The following MAML2 variants were observed in gnomAD, a reference collection of about 807,000 sequenced individuals.
MAML2 encodes the protein mastermind-like protein 2.
MAML2 carries 22 observed loss-of-function variants against 96.1 expected under a neutral mutation model. The observed-to-expected ratio is 0.23, with a 90% confidence interval of 0.16 to 0.33. The LOEUF is 0.33. Among genes scored for constraint, MAML2 ranks in the 10% least tolerant of loss-of-function variants. The pLI is 1.00. For missense variants in MAML2, 1,367 were observed against 1,392.4 expected (o/e 0.98, Z 0.29); for synonymous variants, 561 against 521.3 (o/e 1.08, Z -1.04).
intron 1 of MAML2, among the ~76,000 whole-genome samples, chr11:96,176,529 G>A (rs893069890): frequency 1.3e-5 from 2 of 152,108 alleles, no homozygotes; most frequent in Admixed American, 6.5e-5. Context: ...AGGAAGGACC[G>A]CTTTTGGATG....
At chr11:96,013,513 C>T (rs191803026) in intron 2 of MAML2, among the ~76,000 whole-genome samples, 72 of 152,186 alleles carry the variant, frequency 4.7e-4, no homozygotes, top group Non-Finnish European at 6.8e-4. Flanking sequence ...TCCACTCCAA[C>T]GACCTAGGTG....
chr11:96,094,053 T>C (rs938604422), intron 1 of MAML2, among the ~76,000 whole-genome samples: 1 of 152,074 alleles, frequency 6.6e-6, no homozygotes, highest in Admixed American at 6.5e-5. Flanking sequence ...ATTAGAATAG[T>C]TCTCAGGCCT....
intron 1 of MAML2, among the ~76,000 whole-genome samples, chr11:96,228,979 A>AAG (rs1043990092): frequency 3.9e-4 from 59 of 152,190 alleles, no homozygotes; most frequent in African/African-American, 1.4e-3. Context: ...GAACAAAAAA[A>AAG]AAATGCTCCC....
chr11:96,240,378 G>A (rs1249001340), intron 1 of MAML2, among the ~76,000 whole-genome samples: 2 of 151,312 alleles, frequency 1.3e-5, no homozygotes, highest in African/African-American at 2.4e-5. Context: ...GTGAAACCCC[G>A]TCTCTACTAA....
intron 2 of MAML2, among the ~76,000 whole-genome samples, chr11:96,059,439 T>C (rs1279077299): frequency 6.6e-6 from 1 of 152,220 alleles, no homozygotes; most frequent in Non-Finnish European, 1.5e-5. Context: ...ACTTTCTTGT[T>C]CTCTGTGCAT....
chr11:96,165,172 GT>G (rs1264150695), intron 1 of MAML2, among the ~76,000 whole-genome samples: 6 of 151,262 alleles, frequency 4.0e-5, no homozygotes, highest in East Asian at 2.0e-4. Context: ...TTTGTAGTGT[GT>G]TTTTTTCCCT....
chr11:96,277,850 G>T (rs948553478), intron 1 of MAML2, among the ~76,000 whole-genome samples: 6 of 151,424 alleles, frequency 4.0e-5, no homozygotes, highest in African/African-American at 1.5e-4. Context: ...AAGTTAATAA[G>T]GTAAACAAAA....
intron 4 of MAML2, among the ~76,000 whole-genome samples, chr11:95,985,231 G>T (rs1294399132): frequency 6.6e-6 from 1 of 152,256 alleles, no homozygotes; most frequent in East Asian, 1.9e-4. Flanking sequence ...TCTACTACCT[G>T]GGTTAAGGTA....
chr11:96,230,992 G>T (rs1862285662), intron 1 of MAML2, among the ~76,000 whole-genome samples: 1 of 152,210 alleles, frequency 6.6e-6, no homozygotes, highest in African/African-American at 2.4e-5. Context: ...TGAAAGATAT[G>T]TCTTGTGACA....
intron 1 of MAML2, among the ~76,000 whole-genome samples, chr11:96,157,747 A>T (rs993723944): frequency 6.6e-6 from 1 of 152,262 alleles, no homozygotes; most frequent in Non-Finnish European, 1.5e-5. Context: ...AGATATAGAT[A>T]TAGATAAAGC....
Position 96,093,203 on chromosome 11 carries a change from A to G in MAML2, c.828T>C (p.Ser276=), listed in dbSNP as rs757987068. The change falls in exon 2 of 5, where the codon AGT becomes AGC. Residue 276 remains serine (S), a synonymous_variant. Coordinates refer to ENST00000524717, the MANE Select transcript of MAML2 (RefSeq NM_032427.4). ...GGGTCATTTGGCCATCCATGTGCTT[A>G]CTGCAAGACAGAGTCTCTCCTGGCT... The part of the protein sequence containing the change: ...KKEPGETLSC[S]KHMDGQMTQE... 1 of 1,614,060 alleles carries G rather than the reference A, an allele frequency of 6.2e-7. No homozygotes were observed. The highest frequency in any genetic ancestry group is 8.5e-7 in the Non-Finnish European group (1 of 1,179,912).
chr11:96,053,176 T>C (rs2063189113), intron 2 of MAML2, among the ~76,000 whole-genome samples: 1 of 152,224 alleles, frequency 6.6e-6, no homozygotes, highest in South Asian at 2.1e-4. Context: ...TGAGTTCATT[T>C]TTTTAGAAAA....
intron 2 of MAML2, among the ~76,000 whole-genome samples, chr11:96,091,261 C>A (rs1403454255): frequency 6.6e-6 from 1 of 152,162 alleles, no homozygotes; most frequent in Non-Finnish European, 1.5e-5. Flanking sequence ...GGGTAAGATA[C>A]CCAAACTCTG....
At chr11:96,305,888 C>G (rs1863454740) in intron 1 of MAML2, among the ~76,000 whole-genome samples, 1 of 152,072 alleles carries the variant, frequency 6.6e-6, no homozygotes, top group African/African-American at 2.4e-5. Flanking sequence ...TACAAAGCAA[C>G]AAACACAAGT....
chr11:96,133,820 C>T (rs1274588651), intron 1 of MAML2, among the ~76,000 whole-genome samples: 1 of 151,962 alleles, frequency 6.6e-6, no homozygotes, highest in Non-Finnish European at 1.5e-5. Context: ...ATGGTGAAAC[C>T]CTGTCTCTAC....
At chr11:96,340,015 C>G (rs1863970991) in intron 1 of MAML2, among the ~76,000 whole-genome samples, 1 of 152,198 alleles carries the variant, frequency 6.6e-6, no homozygotes, top group South Asian at 2.1e-4. Flanking sequence ...TCATCTGGAG[C>G]TGGCCTCAAG....
chr11:96,139,770 T>C (rs1406921904), intron 1 of MAML2, among the ~76,000 whole-genome samples: 2 of 152,062 alleles, frequency 1.3e-5, no homozygotes, highest in Non-Finnish European at 2.9e-5. Flanking sequence ...CTCAGGGCAA[T>C]ACCAGATGAT....
chr11:96,183,998 T>C (rs1323204263), intron 1 of MAML2, among the ~76,000 whole-genome samples: 5 of 152,134 alleles, frequency 3.3e-5, no homozygotes, highest in Admixed American at 3.3e-4. Context: ...CTACCTCAAA[T>C]ATGTGGAGGC....
chr11:96,206,660 A>C (rs1166274282), intron 1 of MAML2, among the ~76,000 whole-genome samples: 3 of 152,204 alleles, frequency 2.0e-5, no homozygotes, highest in Non-Finnish European at 4.4e-5. Context: ...AACCCATTTC[A>C]TTTTGTGCTT....
Sources: gnomAD v4.1 joint callset for allele counts (sites outside exome capture counted in the v4.1 genomes callset) on GRCh38, gnomAD v4.1.1 for gene constraint, MANE v1.5 for transcripts, NCBI Gene and HGNC (gene_info 2026-07-23, HGNC 2026-07-21) for gene names.